The following LRRC49 variants were observed in gnomAD, a reference collection of about 807,000 sequenced individuals.
LRRC49 encodes the protein leucine rich repeat containing 49.
In LRRC49, 50 loss-of-function variants were observed where a neutral mutation model predicts 83.3. The observed-to-expected ratio is 0.60, with a 90% CI of 0.48 to 0.76. The LOEUF (loss-of-function observed/expected upper bound fraction) is 0.76. LRRC49 is among the 30% of genes least tolerant of loss of function. The probability of loss-of-function intolerance (pLI) is 0.00; values close to 1 mark genes in which losing one functional copy is unlikely to be tolerated. For synonymous variants in LRRC49, 286 were observed against 283.3 expected, an observed-to-expected ratio of 1.01 and a Z score of -0.10; for missense variants, 704 against 809.1, an observed-to-expected ratio of 0.87 and a Z score of 1.58.
intron 6 of LRRC49, chr15:70,918,541 C>G (rs2034881453): frequency 6.6e-6 from 1 of 152,280 alleles, no homozygotes; most frequent in African/African-American, 2.4e-5. Flanking sequence ...TCATCTTCTA[C>G]TGGGAATCCT....
At chr15:71,011,044 G>T (rs949959813) in intron 13 of LRRC49, among the ~76,000 whole-genome samples, 4 of 152,054 alleles carry the variant, frequency 2.6e-5, no homozygotes, top group African/African-American at 9.7e-5. Context: ...ATCAACCATG[G>T]TATTTCTGTA....
At chr15:70,927,047 C>T (rs1359807881) in intron 7 of LRRC49, among the ~76,000 whole-genome samples, 1 of 152,108 alleles carries the variant, frequency 6.6e-6, no homozygotes, top group Non-Finnish European at 1.5e-5. Context: ...CATCTCACAC[C>T]AGTTAGAATG....
intron 1 of LRRC49, among the ~76,000 whole-genome samples, chr15:70,870,996 C>G (rs1049520645): frequency 7.2e-6 from 1 of 137,962 alleles, no homozygotes; most frequent in Non-Finnish European, 1.5e-5. Flanking sequence ...GGGTGTTTCT[C>G]GGAGAGGGGG....
chr15:70,980,135 A>G lies in LRRC49; in HGVS notation c.956A>G (p.Lys319Arg), dbSNP rs758428703. 1 of 1,612,546 alleles carries G rather than the reference A, an allele frequency of 6.2e-7. No homozygotes were observed. The highest frequency in any genetic ancestry group is 8.5e-7 in the Non-Finnish European group (1 of 1,179,306). ...AGGCGTATGGCATCTGTTTTAGCCA[A>G]AAAAGAGGAAGAGAAGAAGCGGGAA... ...EERRMASVLA[K>R]KEEEKKRESH... Residue 319 changes from lysine (K) to arginine (R), a missense_variant, in exon 10 of 16, where the codon AAA becomes AGA. Transcript: ENST00000260382.
intron 6 of LRRC49, among the ~76,000 whole-genome samples, chr15:70,914,430 A>G (rs1043525582): frequency 6.6e-6 from 1 of 152,162 alleles, no homozygotes; most frequent in Non-Finnish European, 1.5e-5. Context: ...AGTAATGATG[A>G]TGGTGTTCAG....
chr15:70,882,337 T>A, intron 2 of LRRC49: 2 of 956,540 alleles, frequency 2.1e-6, no homozygotes, highest in Non-Finnish European at 3.1e-6. Context: ...AAACAAATTA[T>A]GCTGATACTC....
chr15:71,000,904 T>C (rs778137974), intron 11 of LRRC49, among the ~76,000 whole-genome samples: 1 of 152,168 alleles, frequency 6.6e-6, no homozygotes, highest in Non-Finnish European at 1.5e-5. Flanking sequence ...AACCTCTCGA[T>C]GGTAGAGTTC....
chr15:70,967,370 C>T (rs1260486260), intron 9 of LRRC49, among the ~76,000 whole-genome samples: 1 of 151,974 alleles, frequency 6.6e-6, no homozygotes, highest in African/African-American at 2.4e-5. Context: ...TTTCTGGGTT[C>T]AGCCTTGAAG....
At chr15:70,940,251 ATTT>A (rs398027829) in intron 8 of LRRC49, among the ~76,000 whole-genome samples, 1,230 of 87,060 alleles carry the variant, frequency 0.014, 13 homozygotes, top group African/African-American at 0.044. Flanking sequence ...GAATATATGG[ATTT>A]TTTTTTTTTT....
intron 4 of LRRC49, among the ~76,000 whole-genome samples, chr15:70,901,418 T>C (rs555236090): frequency 6.6e-6 from 1 of 152,262 alleles, no homozygotes; most frequent in African/African-American, 2.4e-5. Flanking sequence ...GCTCCAATCA[T>C]ACCTGCCACC....
At chr15:70,992,882 C>T (rs889810334) in intron 11 of LRRC49, among the ~76,000 whole-genome samples, 1 of 152,190 alleles carries the variant, frequency 6.6e-6, no homozygotes, top group African/African-American at 2.4e-5. Context: ...AAACTCCATA[C>T]TGGGAGAACC....
chr15:70,925,374 C>T (rs1344123421), intron 7 of LRRC49, among the ~76,000 whole-genome samples: 4 of 151,874 alleles, frequency 2.6e-5, no homozygotes. Context: ...GAAGAATGGC[C>T]GCAATTCTAC....
At chr15:70,917,913 G>T (rs573746444) in intron 6 of LRRC49, among the ~76,000 whole-genome samples, 3 of 152,190 alleles carry the variant, frequency 2.0e-5, no homozygotes, top group Admixed American at 6.5e-5. Context: ...CCCCTTGCTC[G>T]CCATGTTGCA....
chr15:70,957,965 A>C (rs2036461686), intron 8 of LRRC49, among the ~76,000 whole-genome samples: 1 of 152,202 alleles, frequency 6.6e-6, no homozygotes. Flanking sequence ...TAAAATGCAC[A>C]CATTTTAAGT....
chr15:71,012,781 C>A, intron 13 of LRRC49, 23 bp from the exon 14 acceptor site: 1 of 1,368,218 alleles, frequency 7.3e-7, no homozygotes, highest in Non-Finnish European at 1.0e-6. Flanking sequence ...ATTTTTTTAC[C>A]CCTTTCTATT....
intron 11 of LRRC49, among the ~76,000 whole-genome samples, chr15:70,990,994 G>A (rs2141239331): frequency 6.6e-6 from 1 of 152,292 alleles, no homozygotes; most frequent in East Asian, 1.9e-4. Flanking sequence ...AGCTTCATGA[G>A]GAAAGGAATC....
At chr15:70,892,467 C>T (rs1383339916), upstream of LRRC49, 7 of 1,526,836 alleles carry the variant, frequency 4.6e-6, no homozygotes, top group African/African-American at 2.7e-5. Context: ...TTGATATCTT[C>T]CTCCTCCTCC....
At chr15:70,854,107 G>T in intron 1 of LRRC49, 2 of 1,245,944 alleles carry the variant, frequency 1.6e-6, no homozygotes, top group Non-Finnish European at 2.0e-6. Context: ...GGACTGCGGC[G>T]CCGCCGGGGT....
intron 14 of LRRC49, among the ~76,000 whole-genome samples, chr15:71,026,361 G>T (rs2039172680): frequency 6.6e-6 from 1 of 152,104 alleles, no homozygotes; most frequent in South Asian, 2.1e-4. Flanking sequence ...ATTATAAATA[G>T]TGCTGCAATA....
Sources: allele counts gnomAD v4.1 joint callset (sites outside exome capture counted in the v4.1 genomes callset), GRCh38; gene constraint gnomAD v4.1.1; transcripts MANE v1.5; gene names NCBI Gene and HGNC (gene_info 2026-07-23, HGNC 2026-07-21).